The following HSD17B4 variants were observed in gnomAD, a reference collection of about 807,000 sequenced individuals.
HSD17B4 encodes hydroxysteroid 17-beta dehydrogenase 4.
A neutral mutation model predicts 101.0 loss-of-function variants in HSD17B4; 70 were observed. The ratio of observed to expected loss-of-function variants is 0.69; its 90% CI spans 0.57 to 0.85. The LOEUF (loss-of-function observed/expected upper bound fraction) is 0.85. HSD17B4 is among the 40% of genes least tolerant of loss of function. The probability of loss-of-function intolerance (pLI) is 0.00; values close to 1 mark genes in which losing one functional copy is unlikely to be tolerated. For synonymous variants in HSD17B4, 347 were observed against 297.1 expected, an observed-to-expected ratio of 1.17 and a Z score of -1.73; for missense variants, 984 against 892.4, an observed-to-expected ratio of 1.10 and a Z score of -1.31.
At chr5:119,508,511 A>G (rs1034819507) in intron 15 of HSD17B4, among the ~76,000 whole-genome samples, 1 of 152,248 alleles carries the variant, frequency 6.6e-6, no homozygotes, top group African/African-American at 2.4e-5. Context: ...ACAGATAATA[A>G]TCTGTCCCTA....
intron 1 of HSD17B4, 58 bp downstream of exon 1, chr5:119,452,691 T>C (rs1312155511): frequency 3.7e-6 from 6 of 1,610,512 alleles, no homozygotes; most frequent in East Asian, 2.2e-5. Flanking sequence ...GGCTGCTCTT[T>C]TCGGGCCGGC....
intron 2 of HSD17B4, among the ~76,000 whole-genome samples, chr5:119,458,739 A>G (rs1003461293): frequency 6.6e-6 from 1 of 152,142 alleles, no homozygotes; most frequent in Admixed American, 6.5e-5. Flanking sequence ...CTTATGGGAT[A>G]TTTAAATTTG....
chr5:119,520,672 G>A (rs1007271646), intron 17 of HSD17B4, among the ~76,000 whole-genome samples: 3 of 152,122 alleles, frequency 2.0e-5, no homozygotes, highest in African/African-American at 7.2e-5. Flanking sequence ...AGGAACAGTG[G>A]TAACCCCCAC....
intron 16 of HSD17B4, among the ~76,000 whole-genome samples, chr5:119,510,304 T>TA (rs2126818550): frequency 6.6e-6 from 1 of 152,320 alleles, no homozygotes; most frequent in East Asian, 1.9e-4. Flanking sequence ...TTGTATAGAT[T>TA]AAAATCTTCA....
At chr5:119,468,342 C>G (rs1756019283) in intron 2 of HSD17B4, among the ~76,000 whole-genome samples, 1 of 151,276 alleles carries the variant, frequency 6.6e-6, no homozygotes, top group Non-Finnish European at 1.5e-5. Context: ...CTGGGAAAGA[C>G]TTTGTTTCTC....
intron 14 of HSD17B4, among the ~76,000 whole-genome samples, chr5:119,502,997 A>G (rs1470813892): frequency 1.3e-5 from 2 of 152,102 alleles, no homozygotes; most frequent in African/African-American, 2.4e-5. Flanking sequence ...CTGTCTGTAT[A>G]TCAAAATCAC....
At chr5:119,481,973 C>T (rs75799809) in intron 8 of HSD17B4, among the ~76,000 whole-genome samples, 2,089 of 152,038 alleles carry the variant, frequency 0.014, 50 homozygotes, top group African/African-American at 0.048. Flanking sequence ...CTGCAGTTTG[C>T]GTATGATGTA....
At position 119,509,137 on chromosome 5, in the gene HSD17B4, T is replaced by A. The variant is rs2126813983; in HGVS notation, c.1334-4T>A. 6.8e-7 allele frequency: 1 copy of A among 1,461,868 alleles called. No homozygotes were observed. Among genetic ancestry groups the A allele is most frequent in the East Asian group, 2.3e-5 (1 of 44,150 alleles). The allele number at this position is 1,461,868 out of a possible 1,614,324, so 90.6% of individuals were successfully genotyped here. On this transcript the variant is annotated splice_region_variant and splice_polypyrimidine_tract_variant and intron_variant, in intron 15 of 23. Coordinates refer to ENST00000510025, the MANE Select transcript of HSD17B4 (RefSeq NM_000414.4). ...TTTTATTTTTTCTTTTATTTACTTT[T>A]CAGTCTATTCTTATTCTGAGAAGGA... is the stretch of plus-strand genomic sequence containing the variant.
chr5:119,530,370 G>A (rs1329441032), intron 21 of HSD17B4, among the ~76,000 whole-genome samples: 1 of 152,018 alleles, frequency 6.6e-6, no homozygotes, highest in Non-Finnish European at 1.5e-5. Context: ...TAAACCAGCA[G>A]CGTGTATAAT....
intron 18 of HSD17B4, 172 bp from the exon 19 acceptor site, chr5:119,525,745 A>G (rs1326264233): frequency 1.8e-6 from 1 of 542,964 alleles, no homozygotes; most frequent in Non-Finnish European, 3.3e-6. Context: ...TTTATTTCAT[A>G]ATTTCCTCCC....
chr5:119,525,263 T>A lies in HSD17B4; in HGVS notation c.1551T>A (p.Asp517Glu). 2.5e-6 allele frequency: 4 copies of A among 1,611,590 alleles called. No individual in the cohort carries two copies. Among genetic ancestry groups the A allele is most frequent in the Non-Finnish European group, 3.4e-6 (4 of 1,177,948 alleles). The change falls in exon 18 of 24, where the codon GAT (aspartate) becomes GAA (glutamate). Residue 517 changes from aspartate (D) to glutamate (E), a missense_variant. Asp to Glu is a conservative substitution (Grantham distance 45). Coordinates refer to ENST00000510025, the MANE Select transcript of HSD17B4 (RefSeq NM_000414.4). ...LSGDWNPLHI[D>E]PNFASLAGFD... ...GAGACTGGAATCCCTTACACATTGA[T>A]CCTAACTTTGCTAGTCTAGCAGGTG...
chr5:119,464,627 C>G (rs894440057), intron 2 of HSD17B4: 4 of 152,092 alleles, frequency 2.6e-5, no homozygotes, highest in African/African-American at 7.2e-5. Flanking sequence ...GCATCTCGCT[C>G]TGTCGCCCAG....
At chr5:119,475,670 G>T (rs761684125) in intron 4 of HSD17B4, 36 bp from the exon 5 acceptor site, 1 of 1,536,950 alleles carries the variant, frequency 6.5e-7, no homozygotes. Context: ...TAATATGCTT[G>T]CTTTTAGATG....
chr5:119,512,147 G>A (rs963348778), intron 16 of HSD17B4, among the ~76,000 whole-genome samples: 2 of 152,080 alleles, frequency 1.3e-5, no homozygotes, highest in Non-Finnish European at 2.9e-5. Context: ...GATTGATAGT[G>A]ATTATACAAA....
chr5:119,525,743 A>G (rs554825291), intron 18 of HSD17B4, 174 bp from the exon 19 acceptor site: 3 of 526,760 alleles, frequency 5.7e-6, no homozygotes, highest in South Asian at 5.4e-5. Context: ...TCTTTATTTC[A>G]TAATTTCCTC....
chr5:119,476,384 C>A (rs1748583813), intron 6 of HSD17B4: 1 of 166,210 alleles, frequency 6.0e-6, no homozygotes, highest in Non-Finnish European at 1.2e-5. Context: ...AGATAATGAA[C>A]AAATCACAGT....
At chr5:119,477,369 T>C (rs1748681809) in intron 6 of HSD17B4, 48 bp from the exon 7 acceptor site, 7 of 1,251,278 alleles carry the variant, frequency 5.6e-6, no homozygotes, top group Admixed American at 1.8e-5. Context: ...TTCTTAGACA[T>C]GCCTAAGTTT....
At position 119,522,852 on chromosome 5, in the gene HSD17B4, T is replaced by C. The variant is rs185715946; in HGVS notation, c.1504-2364T>C. On this transcript the variant is annotated intron_variant, in intron 17 of 23. Transcript: ENST00000510025. ...ACTAGTGTACTATTAATTATTTTCA[T>C]TGTAGTCAGTGCTGTAATCTTCCAG... 4.0e-4 allele frequency among the ~76,000 whole-genome samples: 61 copies of C among 152,290 alleles called. No individual in the cohort carries two copies. In the South Asian group the frequency reaches 0.011, roughly 28 times the overall value.
At chr5:119,504,697 T>C (rs1580639822) in intron 14 of HSD17B4, among the ~76,000 whole-genome samples, 1 of 152,186 alleles carries the variant, frequency 6.6e-6, no homozygotes, top group African/African-American at 2.4e-5. Context: ...GGATACATAG[T>C]GTGAGAATAT....
Sources: allele counts gnomAD v4.1 joint callset (sites outside exome capture counted in the v4.1 genomes callset), GRCh38; gene constraint gnomAD v4.1.1; transcripts MANE v1.5; gene names NCBI Gene and HGNC (gene_info 2026-07-23, HGNC 2026-07-21).